The following MTHFD1L variants were observed in gnomAD, a reference collection of about 807,000 sequenced individuals.
MTHFD1L encodes methylenetetrahydrofolate dehydrogenase (NADP+ dependent) 1 like, also known as monofunctional C1-tetrahydrofolate synthase, mitochondrial.
MTHFD1L carries 81 observed loss-of-function variants against 119.5 expected under a neutral mutation model. That is an observed-to-expected ratio of 0.68 (90% CI 0.57 to 0.82). The LOEUF is 0.82. Ranked by LOEUF, MTHFD1L falls within the 40% of genes least tolerant of loss-of-function variation. MTHFD1L has a pLI of 0.00. For missense variants in MTHFD1L, 1,125 were observed against 1,253.4 expected, an observed-to-expected ratio of 0.90 and a Z score of 1.55; for synonymous variants, 430 against 475.2, an observed-to-expected ratio of 0.90 and a Z score of 1.24.
intron 26 of MTHFD1L, among the ~76,000 whole-genome samples, chr6:151,065,701 C>G (rs1480287869): frequency 1.3e-5 from 2 of 152,262 alleles, no homozygotes; most frequent in African/African-American, 4.8e-5. Context: ...CTCTGTTGGC[C>G]TCATGTGCCC....
chr6:150,983,979 C>G (rs1429443359), intron 20 of MTHFD1L, among the ~76,000 whole-genome samples: 5 of 152,048 alleles, frequency 3.3e-5, no homozygotes, highest in Non-Finnish European at 5.9e-5. Context: ...ACTACGTTGC[C>G]CAGGCTGGTC....
chr6:151,081,035 A>T (rs1793097383), intron 26 of MTHFD1L, among the ~76,000 whole-genome samples: 2 of 152,148 alleles, frequency 1.3e-5, no homozygotes, highest in African/African-American at 4.8e-5. Context: ...TAGGATGTCA[A>T]TATAGGGGTT....
intron 5 of MTHFD1L, among the ~76,000 whole-genome samples, chr6:150,884,725 A>G (rs1781937741): frequency 6.6e-6 from 1 of 152,218 alleles, no homozygotes; most frequent in African/African-American, 2.4e-5. Context: ...TGACGTGCTC[A>G]GTTTAGGCTA....
chr6:150,962,273 C>T (rs536962325), intron 18 of MTHFD1L, among the ~76,000 whole-genome samples: 15 of 152,288 alleles, frequency 9.8e-5, no homozygotes, highest in African/African-American at 3.1e-4. Flanking sequence ...GCATGAGCCA[C>T]CACACCCAGC....
Position 150,926,066 on chromosome 6 carries a change from T to C in MTHFD1L, c.1083-56T>C. On this transcript the variant is annotated intron_variant, in intron 10 of 27. Transcript: ENST00000367321. This position sits in a 1 kb window ranked among gnomAD's most constrained non-coding sequence, Gnocchi z 4.3. ...GATGTGTGGCTGTTTTCACTCCAGT[T>C]GTGACCACCTAAGCTGAGAAGCCTT... The C allele has an allele frequency of 2.0e-6, 3 of 1,518,322 alleles. No individual in the cohort carries two copies. The highest frequency in any genetic ancestry group is 2.7e-6 in the Non-Finnish European group (3 of 1,115,504). The allele number at this position is 1,518,322 out of a possible 1,614,324, so 94.1% of individuals were successfully genotyped here.
At chr6:151,060,870 G>T (rs913338303) in intron 26 of MTHFD1L, among the ~76,000 whole-genome samples, 1 of 152,166 alleles carries the variant, frequency 6.6e-6, no homozygotes, top group Non-Finnish European at 1.5e-5. Flanking sequence ...GATCACTCAG[G>T]CAGCAGTCTG....
At chr6:151,024,351 G>A (rs894786075) in intron 24 of MTHFD1L, among the ~76,000 whole-genome samples, 1 of 152,048 alleles carries the variant, frequency 6.6e-6, no homozygotes, top group Non-Finnish European at 1.5e-5. Context: ...ACTAACCTGG[G>A]TGACATGGCA....
chr6:151,091,943 A>G (rs760672636), intron 26 of MTHFD1L, among the ~76,000 whole-genome samples: 2 of 152,220 alleles, frequency 1.3e-5, no homozygotes, highest in Non-Finnish European at 2.9e-5. Context: ...CACGTAGCAC[A>G]GTGCCCATCA....
intron 26 of MTHFD1L, chr6:151,057,336 A>G (rs1790093017): frequency 1.0e-6 from 1 of 985,280 alleles, no homozygotes. Flanking sequence ...GGTGACTCAG[A>G]CTGCTTTAAG....
At chr6:150,952,019 T>C (rs1255362143) in intron 16 of MTHFD1L, among the ~76,000 whole-genome samples, 1 of 152,208 alleles carries the variant, frequency 6.6e-6, no homozygotes, top group East Asian at 1.9e-4. Flanking sequence ...ACATGGATCT[T>C]GGAAGAGAAA....
intron 1 of MTHFD1L, among the ~76,000 whole-genome samples, chr6:150,867,267 A>G (rs1007034571): frequency 2.6e-5 from 4 of 151,946 alleles, no homozygotes; most frequent in African/African-American, 7.3e-5. Flanking sequence ...TCTCGGCTCA[A>G]TGCAGCCTCC....
intron 10 of MTHFD1L, among the ~76,000 whole-genome samples, chr6:150,924,407 A>G (rs980965796): frequency 1.3e-5 from 2 of 152,036 alleles, no homozygotes; most frequent in African/African-American, 4.8e-5. Context: ...TCCTGACCTC[A>G]AGTGATCTGC....
At chr6:150,866,549 C>T (rs1778366470) in intron 1 of MTHFD1L, 4 of 1,254,390 alleles carry the variant, frequency 3.2e-6, no homozygotes, top group South Asian at 3.1e-5. Context: ...GCGAAGCTCC[C>T]TGGTGTTGTG....
chr6:151,075,457 T>G (rs1248918697), intron 26 of MTHFD1L, among the ~76,000 whole-genome samples: 4 of 152,020 alleles, frequency 2.6e-5, no homozygotes, highest in African/African-American at 7.2e-5. Flanking sequence ...CAGTTCTAAG[T>G]GTTTAAGCAT....
At chr6:151,067,859 T>C (rs544992070) in intron 26 of MTHFD1L, among the ~76,000 whole-genome samples, 2 of 152,356 alleles carry the variant, frequency 1.3e-5, no homozygotes, top group South Asian at 4.1e-4. Context: ...TTAATTCTTA[T>C]TCTCTTCCCC....
intron 26 of MTHFD1L, among the ~76,000 whole-genome samples, chr6:151,062,905 G>T (rs1790811169): frequency 6.6e-6 from 1 of 151,652 alleles, no homozygotes; most frequent in Admixed American, 6.6e-5. Context: ...GAGGGGGGAG[G>T]GATAGCATTA....
intron 11 of MTHFD1L, among the ~76,000 whole-genome samples, chr6:150,928,632 C>T (rs1299996860): frequency 6.6e-6 from 1 of 151,396 alleles, no homozygotes; most frequent in East Asian, 2.0e-4. Flanking sequence ...ACCTCTGCCC[C>T]CTGGGTTCAA....
chr6:150,874,684 G>A (rs1320271334), intron 1 of MTHFD1L, among the ~76,000 whole-genome samples: 1 of 152,316 alleles, frequency 6.6e-6, no homozygotes, highest in East Asian at 1.9e-4. Context: ...GTGCTGCTGA[G>A]AACATATCAT....
intron 26 of MTHFD1L, among the ~76,000 whole-genome samples, chr6:151,066,855 T>C (rs888726528): frequency 6.6e-6 from 1 of 152,094 alleles, no homozygotes; most frequent in Non-Finnish European, 1.5e-5. Context: ...CCAACCTGGG[T>C]CCTGTCAAGG....
Sources: gnomAD v4.1 joint callset for allele counts (sites outside exome capture counted in the v4.1 genomes callset) on GRCh38, gnomAD v4.1.1 for gene constraint, Gnocchi (gnomAD v3.1) non-coding constraint, MANE v1.5 for transcripts, NCBI Gene and HGNC (gene_info 2026-07-23, HGNC 2026-07-21) for gene names.